ZBED4: variants seen among roughly 807,000 people sequenced by gnomAD.
ZBED4 encodes the protein zinc finger BED domain-containing protein 4.
Under a neutral mutation model 15.5 loss-of-function variants are expected in ZBED4, and 4 were observed. The observed-to-expected ratio is 0.26, with a 90% CI of 0.13 to 0.59. The LOEUF (loss-of-function observed/expected upper bound fraction) is 0.59, where lower values mean the gene tolerates loss of function less well. ZBED4 is among the 20% of genes least tolerant of loss of function. ZBED4 has a pLI of 0.90. For missense variants in ZBED4, 1,323 were observed against 1,461.8 expected, an observed-to-expected ratio of 0.91 and a Z score of 1.55; for synonymous variants, 692 against 608.5, an observed-to-expected ratio of 1.14 and a Z score of -2.02.
chr22:49,885,457 T>G lies in ZBED4; in HGVS notation c.1795T>G (p.Cys599Gly). The part of the protein sequence containing the change: ...GKKPTNLGTS[C>G]LLRHLQRFHS... ...GAAGCCGACTAACTTGGGTACCAGC[T>G]GTCTTCTGAGACATTTACAGCGGTT... Residue 599 changes from cysteine to glycine, a missense_variant, in exon 2 of 2, where the codon TGT (cysteine) becomes GGT (glycine). Around this residue, in one of 6 missense-constraint regions of ZBED4, gnomAD observed 429 missense variants for 397.9 expected, o/e 1.08. Coordinates refer to ENST00000216268, the MANE Select transcript of ZBED4 (RefSeq NM_014838.3). 5.6e-6 allele frequency: 9 copies of G among 1,611,982 alleles called. No homozygotes were observed. Among genetic ancestry groups the G allele is most frequent in the Non-Finnish European group, 7.6e-6 (9 of 1,178,134 alleles).
In ZBED4 at chr22:49,887,294, A is replaced by C; in HGVS notation, c.*116A>C. The C allele has an allele frequency of 3.5e-6, 4 of 1,130,054 alleles. No individual in the cohort carries two copies. Among genetic ancestry groups the C allele is most frequent in the African/African-American group, 1.6e-5 (1 of 63,522 alleles). The allele number at this position is 1,130,054 out of a possible 1,614,324, so 70.0% of individuals were successfully genotyped here. A position where few individuals can be genotyped will look rare whatever the true frequency, so the allele number is the denominator to read the frequency against. The stretch of plus-strand genomic sequence containing the variant: ...GTACGACATCAGACCAGGCACTCTC[A>C]GGGCCGCTCTCCAGCTCACCACAGT... On this transcript the variant is annotated 3_prime_UTR_variant, in exon 2 of 2. Transcript: ENST00000216268.
At position 49,884,247 on chromosome 22, in the gene ZBED4, C is replaced by T. The variant is rs777363455; in HGVS notation, c.585C>T (p.Asp195=). ...TCCTGCTTCCACCACAGCCTGCGGA[C>T]GCGGGTGACCTCAGCACCATCCTCT... ...PSLLLPPQPA[D]AGDLSTILSP... The change falls in exon 2 of 2, where the codon GAC becomes GAT. Residue 195 remains aspartate (D), a synonymous_variant. Transcript: ENST00000216268. 18 of 1,602,388 alleles carry T rather than the reference C, an allele frequency of 1.1e-5. No individual in the cohort carries two copies. Among genetic ancestry groups the T allele is most frequent in the East Asian group, 6.7e-5 (3 of 44,740 alleles).
chr22:49,885,556 G>C lies in ZBED4; in HGVS notation c.1894G>C (p.Gly632Arg), dbSNP rs2060433902. 6.2e-7 allele frequency: 1 copy of C among 1,604,532 alleles called. No homozygotes were observed. The highest frequency in any genetic ancestry group is 1.3e-5 in the African/African-American group (1 of 74,794). Residue 632 changes from glycine (G) to arginine (R), a missense_variant, in exon 2 of 2, where the codon GGC becomes CGC. Gly to Arg is a moderately radical substitution (Grantham distance 125, BLOSUM62 -2). Transcript: ENST00000216268. ...PSSPDTRVPR[G>R]TELSGASSFD... ...CTCTCCGGACACCCGGGTGCCGCGG[G>C]GCACAGAATTATCAGGCGCTTCCTC...
intron 1 of ZBED4, among the ~76,000 whole-genome samples, chr22:49,855,576 C>T (rs914097441): frequency 2.0e-5 from 3 of 152,022 alleles, no homozygotes; most frequent in African/African-American, 7.2e-5. Context: ...GCTTCTTTAG[C>T]GAAAGGTGTG....
intron 1 of ZBED4, among the ~76,000 whole-genome samples, chr22:49,878,879 T>C (rs2060392180): frequency 1.3e-5 from 2 of 151,698 alleles, no homozygotes; most frequent in African/African-American, 4.8e-5. Flanking sequence ...GCGTGGTGGC[T>C]CATGCATGTA....
intron 1 of ZBED4, among the ~76,000 whole-genome samples, chr22:49,862,853 C>G (rs745574359): frequency 1.3e-5 from 2 of 151,938 alleles, no homozygotes; most frequent in Non-Finnish European, 1.5e-5. Context: ...AGGTGCCCAC[C>G]ACCACGCCTG....
At chr22:49,875,082 T>C (rs1390474775) in intron 1 of ZBED4, among the ~76,000 whole-genome samples, 1 of 152,236 alleles carries the variant, frequency 6.6e-6, no homozygotes, top group Non-Finnish European at 1.5e-5. Context: ...TGTTACAGTT[T>C]TGTTAAGGAT....
rs1246171334 is a variant in ZBED4 at position 49,885,276 on chromosome 22, G to C, written c.1614G>C (p.Leu538Phe). Residue 538 changes from leucine (L) to phenylalanine (F), a missense_variant, in exon 2 of 2, where the codon TTG becomes TTC. This residue lies in a region of ZBED4 where 429 missense variants were observed against 397.9 expected (regional missense o/e 1.08). Coordinates refer to ENST00000216268, the MANE Select transcript of ZBED4 (RefSeq NM_014838.3). The part of the protein sequence containing the change: ...LASAESSSSK[L>F]TDLPTVVTKN... Reference sequence around the variant, plus strand: ...CTGCAGAAAGTTCCTCTTCCAAATTGACTGACTTGCCAACAGTGGTCACAA... The same window carrying C: ...CTGCAGAAAGTTCCTCTTCCAAATTCACTGACTTGCCAACAGTGGTCACAA... 14 of 1,596,226 alleles carry C rather than the reference G, an allele frequency of 8.8e-6. No homozygotes were observed. The highest frequency in any genetic ancestry group is 1.0e-5 in the Non-Finnish European group (12 of 1,168,776).
Position 49,887,277 on chromosome 22 carries a change from T to G in ZBED4, c.*99T>G. ...GCTCTGCCCACGGCTGTGTACGACA[T>G]CAGACCAGGCACTCTCAGGGCCGCT... On this transcript the variant is annotated 3_prime_UTR_variant, in exon 2 of 2. Transcript: ENST00000216268. 7.6e-7 allele frequency: 1 copy of G among 1,322,684 alleles called. No homozygotes were observed. Among genetic ancestry groups the G allele is most frequent in the Non-Finnish European group, 1.0e-6 (1 of 963,358 alleles). 81.9% of individuals were successfully genotyped at this position (1,322,684 alleles called of 1,614,324 possible). A position where few individuals can be genotyped will look rare whatever the true frequency, so the allele number is the denominator to read the frequency against.
In ZBED4 at chr22:49,885,433, A is replaced by G; in HGVS notation, c.1771A>G (p.Lys591Glu). The change falls in exon 2 of 2, where the codon AAG becomes GAG. Residue 591 changes from lysine to glutamate, a missense_variant. Coordinates refer to ENST00000216268, the MANE Select transcript of ZBED4 (RefSeq NM_014838.3). ...TGGCCGGACCATCAGCCGGGGGAAG[A>G]AGCCGACTAACTTGGGTACCAGCTG... ...HCGRTISRGK[K>E]PTNLGTSCLL... The G allele has an allele frequency of 1.2e-6, 2 of 1,609,784 alleles. No individual in the cohort carries two copies. Among genetic ancestry groups the G allele is most frequent in the Non-Finnish European group, 1.7e-6 (2 of 1,176,326 alleles).
At chr22:49,861,047 A>G (rs1308154042) in intron 1 of ZBED4, among the ~76,000 whole-genome samples, 2 of 151,434 alleles carry the variant, frequency 1.3e-5, no homozygotes, top group African/African-American at 4.8e-5. Flanking sequence ...AAGTGCTGGG[A>G]TAATGGGCAT....
Position 49,885,060 on chromosome 22 carries a change from C to T in ZBED4, c.1398C>T (p.Ser466=), listed in dbSNP as rs913929434. 2.7e-5 allele frequency: 44 copies of T among 1,612,184 alleles called. No homozygotes were observed. Among genetic ancestry groups the T allele is most frequent in the Non-Finnish European group, 3.7e-5 (44 of 1,179,098 alleles). ...AGTCGGAGGTCTGGCATCACTTCTC[C>T]CTGGCCCCCATGGACAGCCTCAAGG... is the stretch of plus-strand genomic sequence containing the variant. ...RLKSEVWHHF[S]LAPMDSLKAE... is the part of the protein sequence containing the mutation. The change falls in exon 2 of 2, where the codon TCC becomes TCT. Residue 466 remains serine, a synonymous_variant. Transcript: ENST00000216268.
At position 49,883,733 on chromosome 22, in the gene ZBED4, TAGA is replaced by T; in HGVS notation, c.75_77del (p.Glu27del). On this transcript the variant is annotated inframe_deletion, in exon 2 of 2. Transcript: ENST00000216268. Reference sequence around the variant, plus strand: ...GTTTCTGATAAAATAAAGTTTAAAATAGAAGAGGAAGATGATGATGGAATTCCT... The same window carrying T: ...GTTTCTGATAAAATAAAGTTTAAAATAGAGGAAGATGATGATGGAATTCCT... 6.2e-7 allele frequency: 1 copy of T among 1,611,116 alleles called. No homozygotes were observed. The highest frequency in any genetic ancestry group is 8.5e-7 in the Non-Finnish European group (1 of 1,178,062).
intron 1 of ZBED4, among the ~76,000 whole-genome samples, chr22:49,866,781 A>G (rs1372276197): frequency 6.6e-6 from 1 of 152,180 alleles, no homozygotes; most frequent in Non-Finnish European, 1.5e-5. Context: ...TGCTTTAACA[A>G]ATTACCACAA....
Position 49,885,718 on chromosome 22 carries a change from G to A in ZBED4, c.2056G>A (p.Glu686Lys). Residue 686 changes from glutamate to lysine, a missense_variant, in exon 2 of 2, where the codon GAA becomes AAA. Physicochemically the swap from Glu to Lys is moderately conservative, Grantham distance 56 (BLOSUM62 1). Transcript: ENST00000216268. ...CAACGTTGGCTTTAACAGGCTGCTTGAATACTTGAAACCTCAGTACTCCCT... is the reference window on the plus strand; with the variant it reads ...CAACGTTGGCTTTAACAGGCTGCTTAAATACTTGAAACCTCAGTACTCCCT... ...VDNVGFNRLL[E>K]YLKPQYSLPA... The A allele has an allele frequency of 6.2e-7, 1 of 1,607,190 alleles. No homozygotes were observed. The highest frequency in any genetic ancestry group is 8.5e-7 in the Non-Finnish European group (1 of 1,174,700).
In ZBED4 at chr22:49,887,063, T is replaced by C. The variant is rs780291181; in HGVS notation, c.3401T>C (p.Leu1134Pro). ...CPPSIVPSEK[L>P]FNTPTENGSL... ...CCAAGCATCGTCCCTTCAGAAAAGC[T>C]GTTCAACACACCCACTGAGAACGGT... Residue 1134 changes from leucine to proline, a missense_variant, in exon 2 of 2, where the codon CTG (leucine) becomes CCG (proline). By Grantham distance (98) the Leu-to-Pro change is moderately conservative. Coordinates refer to ENST00000216268, the MANE Select transcript of ZBED4 (RefSeq NM_014838.3). 1 of 1,614,184 alleles carries C rather than the reference T, an allele frequency of 6.2e-7. No homozygotes were observed. Among genetic ancestry groups the C allele is most frequent in the South Asian group, 1.1e-5 (1 of 91,088 alleles).
chr22:49,880,383 G>A (rs1017198560), intron 1 of ZBED4, among the ~76,000 whole-genome samples: 3 of 152,322 alleles, frequency 2.0e-5, no homozygotes, highest in Admixed American at 6.5e-5. Context: ...GCAGGTCTGC[G>A]TAGCTCCCTC....
intron 1 of ZBED4, among the ~76,000 whole-genome samples, chr22:49,876,474 G>C (rs1278225088): frequency 6.6e-6 from 1 of 152,120 alleles, no homozygotes; most frequent in Non-Finnish European, 1.5e-5. Flanking sequence ...GCACCTTTGG[G>C]AGAATGCGCT....
At chr22:49,860,221 C>T (rs948602714) in intron 1 of ZBED4, among the ~76,000 whole-genome samples, 4 of 152,220 alleles carry the variant, frequency 2.6e-5, no homozygotes, top group African/African-American at 9.6e-5. Context: ...ATCACTTGAG[C>T]CTGGGAGGTT....
Sources: gnomAD v4.1 joint callset for allele counts (sites outside exome capture counted in the v4.1 genomes callset) on GRCh38, gnomAD v4.1.1 for gene constraint, gnomAD v4.1.1 regional missense constraint, MANE v1.5 for transcripts, NCBI Gene and HGNC (gene_info 2026-07-23, HGNC 2026-07-21) for gene names.